The following ATRN variants were observed in gnomAD, a reference collection of about 807,000 sequenced individuals.
The protein encoded by ATRN is attractin-2.
In ATRN, 54 loss-of-function variants were observed where a neutral mutation model predicts 178.7. That is an observed-to-expected ratio of 0.30 (90% CI 0.24 to 0.38). The LOEUF (loss-of-function observed/expected upper bound fraction) is 0.38, where lower values mean the gene tolerates loss of function less well. Among genes scored for constraint, ATRN ranks in the 10% least tolerant of loss-of-function variants. The pLI is 1.00. For missense variants in ATRN, 1,443 were observed against 1,815.1 expected, an observed-to-expected ratio of 0.79 and a Z score of 3.73; for synonymous variants, 636 against 663.0, an observed-to-expected ratio of 0.96 and a Z score of 0.63.
At chr20:3,594,907 C>G (rs1176965652) in intron 20 of ATRN, among the ~76,000 whole-genome samples, 1 of 152,138 alleles carries the variant, frequency 6.6e-6, no homozygotes, top group African/African-American at 2.4e-5. Context: ...TACTCTTTCC[C>G]AAAGAGTAGA....
At chr20:3,608,031 T>C (rs1484476953) in intron 24 of ATRN, among the ~76,000 whole-genome samples, 1 of 152,232 alleles carries the variant, frequency 6.6e-6, no homozygotes, top group Non-Finnish European at 1.5e-5. Flanking sequence ...GACAAATCTC[T>C]ATTCAGATCA....
chr20:3,504,944 T>G (rs2085020887), intron 1 of ATRN, among the ~76,000 whole-genome samples: 1 of 152,070 alleles, frequency 6.6e-6, no homozygotes, highest in Non-Finnish European at 1.5e-5. Flanking sequence ...TTGCAGTAAT[T>G]GAAGTAATCA....
In ATRN at chr20:3,608,411, A is replaced by G. The variant is rs866684830; in HGVS notation, c.3801+4149A>G. ...TGGTGAGAGAGAGGGGCCTAGTGTTATTTTTCTGCACGTGGATATCCAGTT... is the reference window on the plus strand; with the variant it reads ...TGGTGAGAGAGAGGGGCCTAGTGTTGTTTTTCTGCACGTGGATATCCAGTT... On this transcript the variant is annotated intron_variant, in intron 24 of 28. Coordinates refer to ENST00000262919, the MANE Select transcript of ATRN (RefSeq NM_139321.3). 6.6e-5 allele frequency among the ~76,000 whole-genome samples: 10 copies of G among 152,172 alleles called. No individual in the cohort carries two copies. In the South Asian group the frequency reaches 2.1e-3, roughly 32 times the overall value.
At chr20:3,472,007 A>G (rs946680999) in intron 1 of ATRN, among the ~76,000 whole-genome samples, 2 of 152,134 alleles carry the variant, frequency 1.3e-5, no homozygotes. Context: ...GATAAAAGGG[A>G]AAGGGTAGCA....
chr20:3,491,147 G>T, intron 1 of ATRN: 1 of 520,792 alleles, frequency 1.9e-6, no homozygotes, highest in Non-Finnish European at 3.4e-6. Context: ...AGCTCTCTGG[G>T]GGAAAAAAAT....
intron 1 of ATRN, among the ~76,000 whole-genome samples, chr20:3,522,665 G>C (rs2078398343): frequency 1.3e-5 from 2 of 152,190 alleles, no homozygotes; most frequent in Admixed American, 6.5e-5. Context: ...ATACAGGAGA[G>C]CTCCAGCTGA....
Position 3,507,694 on chromosome 20 carries a change from ATTT to A in ATRN, c.411-27538_411-27536del, listed in dbSNP as rs55823401. The stretch of plus-strand genomic sequence containing the variant: ...AACAACCAAAGACAAAGTTAAAAAT[ATTT>A]TTTTTTTTTTTTTTTTTTTTGAGAC... On this transcript the variant is annotated intron_variant, in intron 1 of 28. Coordinates refer to ENST00000262919, the MANE Select transcript of ATRN (RefSeq NM_139321.3). Among the ~76,000 whole-genome samples the A allele has an allele frequency of 6.3e-3, 725 of 114,654 alleles. 1 individual carries two copies. The highest frequency in any genetic ancestry group is 7.3e-3 in the African/African-American group (219 of 29,844). The allele number at this position is 114,654 out of a possible 152,430, so 75.2% of individuals were successfully genotyped here.
At chr20:3,591,417 T>C in intron 19 of ATRN, 111 bp downstream of exon 19, 1 of 1,309,164 alleles carries the variant, frequency 7.6e-7, no homozygotes, top group South Asian at 1.5e-5. Context: ...GATACCACAT[T>C]TCTTATTAAA....
chr20:3,603,028 T>C (rs1019633455), intron 23 of ATRN, among the ~76,000 whole-genome samples: 3 of 130,258 alleles, frequency 2.3e-5, no homozygotes, highest in African/African-American at 9.1e-5. Context: ...GAAGACGTGA[T>C]AATGTGGGCT....
Position 3,471,019 on chromosome 20 carries a change from C to A in ATRN, c.-89C>A, listed in dbSNP as rs2084408113. The stretch of plus-strand genomic sequence containing the variant: ...TGGACCGCACGAGCCACCGTCCGCA[C>A]AGCCCCGCCCCGCACGGCCAGGCGA... On this transcript the variant is annotated 5_prime_UTR_variant, in exon 1 of 29. Coordinates refer to ENST00000262919, the MANE Select transcript of ATRN (RefSeq NM_139321.3). 2.2e-6 allele frequency: 3 copies of A among 1,374,268 alleles called. No individual in the cohort carries two copies. The African/African-American group carries it at 4.6e-5, about 21-fold the overall frequency. 85.1% of individuals were successfully genotyped at this position (1,374,268 alleles called of 1,614,324 possible). A position where few individuals can be genotyped will look rare whatever the true frequency, so the allele number is the denominator to read the frequency against.
At chr20:3,624,421 C>G in intron 24 of ATRN, 90 bp from the exon 25 acceptor site, 2 of 1,157,550 alleles carry the variant, frequency 1.7e-6, no homozygotes, top group Non-Finnish European at 2.6e-6. Context: ...AATGTAAGCT[C>G]TGTTTTCAGC....
intron 15 of ATRN, 121 bp from the exon 16 acceptor site, chr20:3,582,014 A>C: frequency 2.3e-6 from 2 of 877,152 alleles, no homozygotes; most frequent in Non-Finnish European, 3.5e-6. Context: ...CCAAGGTGGG[A>C]GGATCACTTG....
chr20:3,642,260 C>T (rs1275626473), intron 27 of ATRN, among the ~76,000 whole-genome samples: 3 of 152,324 alleles, frequency 2.0e-5, no homozygotes, highest in Non-Finnish European at 2.9e-5. Flanking sequence ...GGACTGCTCC[C>T]ATGAGCCTCC....
At chr20:3,519,756 A>G (rs577209579) in intron 1 of ATRN, among the ~76,000 whole-genome samples, 5 of 152,202 alleles carry the variant, frequency 3.3e-5, no homozygotes, top group Non-Finnish European at 7.4e-5. Flanking sequence ...AAGAAAAGAA[A>G]AAGGAAACGG....
chr20:3,478,921 C>CTTTTTT (rs71331052), intron 1 of ATRN, among the ~76,000 whole-genome samples: 1 of 126,004 alleles, frequency 7.9e-6, no homozygotes, highest in Non-Finnish European at 1.7e-5. Flanking sequence ...AATTCATACC[C>CTTTTTT]TTTTTTTTTT....
intron 1 of ATRN, chr20:3,490,945 C>G (rs1352230671): frequency 6.6e-7 from 1 of 1,511,002 alleles, no homozygotes; most frequent in African/African-American, 1.4e-5. Flanking sequence ...TTGGCCATGA[C>G]GTCCATGAGC....
intron 24 of ATRN, 34 bp downstream of exon 24, chr20:3,604,296 G>A (rs895340518): frequency 6.4e-7 from 1 of 1,555,984 alleles, no homozygotes; most frequent in Non-Finnish European, 8.6e-7. Context: ...TACCTGCAAA[G>A]GTGGTGAAAT....
chr20:3,570,898 G>A (rs957545803), intron 11 of ATRN, among the ~76,000 whole-genome samples: 28 of 152,188 alleles, frequency 1.8e-4, no homozygotes, highest in African/African-American at 6.5e-4. Context: ...TTTTAAGAAG[G>A]CAGGTTAAAG....
Position 3,648,751 on chromosome 20 carries a change from C to T in ATRN, c.*1904C>T, listed in dbSNP as rs2087125052. The T allele has an allele frequency of 6.6e-6, 1 of 152,190 alleles. No homozygotes were observed. The highest frequency in any genetic ancestry group is 1.5e-5 in the Non-Finnish European group (1 of 68,072). The allele number at this position is 152,190 out of a possible 1,614,324, so 9.4% of individuals were successfully genotyped here. On this transcript the variant is annotated 3_prime_UTR_variant, in exon 29 of 29. Transcript: ENST00000262919. ...TAAAGACCAGACGTTCTAGAAAAGA[C>T]CCCTCCTCTCATGAGCTCCCCCATC...
Sources: gnomAD v4.1 joint callset for allele counts (sites outside exome capture counted in the v4.1 genomes callset) on GRCh38, gnomAD v4.1.1 for gene constraint, MANE v1.5 for transcripts, NCBI Gene and HGNC (gene_info 2026-07-23, HGNC 2026-07-21) for gene names.